The following HIVEP2 variants were observed in gnomAD, a reference collection of about 807,000 sequenced individuals.
HIVEP2 encodes the protein HIVEP zinc finger 2.
HIVEP2 carries 14 observed loss-of-function variants against 180.7 expected under a neutral mutation model. That is an observed-to-expected ratio of 0.08 (90% CI 0.05 to 0.12). HIVEP2 has a LOEUF of 0.12. HIVEP2 is among the 10% of genes least tolerant of loss of function. The pLI is 1.00. For missense variants in HIVEP2, 2,579 were observed against 3,008.5 expected, an observed-to-expected ratio of 0.86 and a Z score of 3.34; for synonymous variants, 1,184 against 1,136.4, an observed-to-expected ratio of 1.04 and a Z score of -0.84.
At chr6:142,909,812 A>G (rs1777358657) in intron 1 of HIVEP2, among the ~76,000 whole-genome samples, 2 of 152,194 alleles carry the variant, frequency 1.3e-5, no homozygotes, top group South Asian at 2.1e-4. Flanking sequence ...GAGTAGAAAG[A>G]TCAAAAAATA....
At chr6:142,893,318 G>C (rs1020685946) in intron 1 of HIVEP2, among the ~76,000 whole-genome samples, 1 of 152,180 alleles carries the variant, frequency 6.6e-6, no homozygotes, top group African/African-American at 2.4e-5. Context: ...CTAGCACGAA[G>C]AAACCCCACA....
At position 142,773,979 on chromosome 6, in the gene HIVEP2, C is replaced by T; in HGVS notation, c.760G>A (p.Ala254Thr). The T allele has an allele frequency of 2.5e-6, 4 of 1,614,198 alleles. No individual in the cohort carries two copies. Among genetic ancestry groups the T allele is most frequent in the Non-Finnish European group, 3.4e-6 (4 of 1,180,024 alleles). ...GCCTCTAGGTCCAATTTAGATACAG[C>T]TGACTCTGTGAAAGGTACTAATCCT... is the stretch of plus-strand genomic sequence containing the variant. The part of the protein sequence containing the change: ...KAGLVPFTES[A>T]VSKLDLEAGF... The change falls in exon 5 of 10, where the codon GCT becomes ACT. Residue 254 changes from alanine to threonine, a missense_variant. Around this residue, in one of 11 missense-constraint regions of HIVEP2, gnomAD observed 142 missense variants for 135.2 expected, o/e 1.05. Coordinates refer to ENST00000367603, the MANE Select transcript of HIVEP2 (RefSeq NM_006734.4).
chr6:142,783,144 A>C (rs912557264), intron 3 of HIVEP2, among the ~76,000 whole-genome samples: 5 of 152,084 alleles, frequency 3.3e-5, no homozygotes, highest in Non-Finnish European at 7.4e-5. Flanking sequence ...CCTGGCCAAC[A>C]TGGTGAAACC....
intron 9 of HIVEP2, 134 bp downstream of exon 9, chr6:142,759,638 C>T (rs541410605): frequency 3.1e-5 from 22 of 717,316 alleles, no homozygotes; most frequent in Admixed American, 2.3e-4. Flanking sequence ...AATGTCTCCC[C>T]GCTATTTTCA....
chr6:142,903,067 C>T (rs1218259315), intron 1 of HIVEP2, among the ~76,000 whole-genome samples: 2 of 152,138 alleles, frequency 1.3e-5, no homozygotes, highest in South Asian at 4.1e-4. Context: ...GTGTTTTCTC[C>T]TTTATTATAA....
At chr6:142,888,915 T>G (rs183085104) in intron 1 of HIVEP2, among the ~76,000 whole-genome samples, 1 of 152,146 alleles carries the variant, frequency 6.6e-6, no homozygotes, top group Non-Finnish European at 1.5e-5. Flanking sequence ...CAAAAATGAG[T>G]TGTAGAAAAC....
At chr6:142,909,643 A>G (rs1295895748) in intron 1 of HIVEP2, among the ~76,000 whole-genome samples, 1 of 152,216 alleles carries the variant, frequency 6.6e-6, no homozygotes, top group Non-Finnish European at 1.5e-5. Context: ...ATTATCATAA[A>G]CATAGATCAC....
chr6:142,879,074 T>C (rs943697644), intron 1 of HIVEP2, among the ~76,000 whole-genome samples: 9 of 152,064 alleles, frequency 5.9e-5, no homozygotes, highest in Non-Finnish European at 1.5e-5. Flanking sequence ...TTCAATGAGA[T>C]TATGTGTGTA....
At chr6:142,777,648 CAAAAAAAAAAAAAAAAAAAAA>C (rs58304452) in intron 3 of HIVEP2, among the ~76,000 whole-genome samples, 112 of 27,672 alleles carry the variant, frequency 4.0e-3, no homozygotes, top group African/African-American at 8.1e-3. Flanking sequence ...AACTCCATCT[CAAAAAAAAAAAAAAAAAAAAA>C]AAAAAAAAAA....
At chr6:142,843,286 T>C (rs539138558) in intron 1 of HIVEP2, among the ~76,000 whole-genome samples, 110 of 152,228 alleles carry the variant, frequency 7.2e-4, no homozygotes, top group Middle Eastern at 3.4e-3. Flanking sequence ...AATCAACCAA[T>C]TAAGAACACT....
At chr6:142,916,027 C>A (rs1348692015) in intron 1 of HIVEP2, among the ~76,000 whole-genome samples, 1 of 152,220 alleles carries the variant, frequency 6.6e-6, no homozygotes, top group African/African-American at 2.4e-5. Context: ...TCATTCTAGG[C>A]TACGTCCTCT....
chr6:142,846,128 A>G (rs1012937233), intron 1 of HIVEP2, among the ~76,000 whole-genome samples: 3 of 152,238 alleles, frequency 2.0e-5, no homozygotes, highest in Non-Finnish European at 2.9e-5. Context: ...CCAGCCGCCA[A>G]AGACGCCTGA....
At chr6:142,768,660 T>C in intron 5 of HIVEP2, 124 bp from the exon 6 acceptor site, 3 of 845,212 alleles carry the variant, frequency 3.5e-6, no homozygotes, top group Non-Finnish European at 5.5e-6. Context: ...CAGGAACTAG[T>C]TATATAAAAT....
Position 142,773,431 on chromosome 6 carries a change from A to G in HIVEP2, c.1308T>C (p.Asn436=), listed in dbSNP as rs199507387. The change falls in exon 5 of 10, where the codon AAT becomes AAC. Residue 436 remains asparagine, a synonymous_variant. Coordinates refer to ENST00000367603, the MANE Select transcript of HIVEP2 (RefSeq NM_006734.4). ...FGKYCRLSPR[N]ALSVTTTSQE... is the part of the protein sequence containing the mutation. ...GACTTGTGGTTGTAACACTGAGTGC[A>G]TTTCTCGGACTAAGCCGACAGTATT... 1.9e-4 allele frequency: 313 copies of G among 1,614,130 alleles called. No individual in the cohort carries two copies. In the African/African-American group the frequency reaches 3.4e-3, roughly 17 times the overall value.
At chr6:142,922,282 G>T (rs1233013927) in intron 1 of HIVEP2, among the ~76,000 whole-genome samples, 1 of 152,132 alleles carries the variant, frequency 6.6e-6, no homozygotes, top group Non-Finnish European at 1.5e-5. Context: ...AGGGTTTAGG[G>T]CTCCCTCCAG....
Position 142,823,341 on chromosome 6 carries a change from C to T in HIVEP2, c.-528+13594G>A, listed in dbSNP as rs1318260982. Among the ~76,000 whole-genome samples the T allele has an allele frequency of 2.0e-5, 3 of 152,288 alleles. No homozygotes were observed. The South Asian group carries it at 6.2e-4, about 32-fold the overall frequency. On this transcript the variant is annotated intron_variant, in intron 2 of 9. Transcript: ENST00000367603. ...CATCCAGATGTCCTGTAACCCTAAA[C>T]CCCGCGACAACGGTTTAAGCCCCGA...
Position 142,770,656 on chromosome 6 carries a change from G to A in HIVEP2, c.4083C>T (p.Ser1361=), listed in dbSNP as rs752948062. 6 of 1,614,150 alleles carry A rather than the reference G, an allele frequency of 3.7e-6. No homozygotes were observed. In the Admixed American group the frequency reaches 1.0e-4, roughly 27 times the overall value. ...CGACTTTGCATATGACAATGGCAGGGCTATTCTGCCCAAGTATCTGAGAAA... is the reference window on the plus strand; with the variant it reads ...CGACTTTGCATATGACAATGGCAGGACTATTCTGCCCAAGTATCTGAGAAA... ...TSISQILGQN[S]PAIVICKVDE... is the part of the protein sequence containing the mutation. The change falls in exon 5 of 10, where the codon AGC becomes AGT. Residue 1361 remains serine, a synonymous_variant. Coordinates refer to ENST00000367603, the MANE Select transcript of HIVEP2 (RefSeq NM_006734.4). This position sits in a 1 kb window ranked among gnomAD's most constrained non-coding sequence, Gnocchi z 4.7.
Position 142,769,759 on chromosome 6 carries a change from C to T in HIVEP2, c.4980G>A (p.Val1660=). Residue 1660 remains valine, a synonymous_variant, in exon 5 of 10, where the codon GTG becomes GTA. Transcript: ENST00000367603. ...CFLNYTKPNY[V]QQATFKSSVY... ...CCGAGGATTTGAAGGTGGCCTGTTG[C>T]ACATAATTGGGTTTTGTATAATTCA... 1.2e-6 allele frequency: 2 copies of T among 1,614,170 alleles called. No individual in the cohort carries two copies. Among genetic ancestry groups the T allele is most frequent in the Non-Finnish European group, 8.5e-7 (1 of 1,180,028 alleles).
chr6:142,891,524 A>T (rs1776862269), intron 1 of HIVEP2, among the ~76,000 whole-genome samples: 1 of 152,142 alleles, frequency 6.6e-6, no homozygotes, highest in South Asian at 2.1e-4. Flanking sequence ...CCATTTATAG[A>T]TAAGGAAACT....
Sources: gnomAD v4.1 joint callset for allele counts (sites outside exome capture counted in the v4.1 genomes callset) on GRCh38, gnomAD v4.1.1 for gene constraint, gnomAD v4.1.1 regional missense constraint, Gnocchi (gnomAD v3.1) non-coding constraint, MANE v1.5 for transcripts, NCBI Gene and HGNC (gene_info 2026-07-23, HGNC 2026-07-21) for gene names.